The following VIL1 variants were observed in gnomAD, a reference collection of about 807,000 sequenced individuals.
VIL1 encodes the protein villin 1.
A neutral mutation model predicts 104.0 loss-of-function variants in VIL1; 86 were observed. That is an observed-to-expected ratio of 0.83 (90% CI 0.69 to 0.99). The LOEUF is 0.99. Among genes scored for constraint, VIL1 ranks in the 50% least tolerant of loss-of-function variants. VIL1 has a pLI of 0.00. For missense variants in VIL1, 944 were observed against 1,054.1 expected, an observed-to-expected ratio of 0.90 and a Z score of 1.45; for synonymous variants, 394 against 412.6, an observed-to-expected ratio of 0.95 and a Z score of 0.55.
intron 10 of VIL1, 32 bp from the exon 11 acceptor site, chr2:218,431,825 G>A: frequency 1.3e-6 from 2 of 1,588,456 alleles, no homozygotes; most frequent in Non-Finnish European, 1.7e-6. Context: ...CTCAGCTGGT[G>A]ACAGTTGGTT....
Position 218,425,599 on chromosome 2 carries a change from G to T in VIL1, c.151-16G>T. ...GGAGCCCAGGGTCTCGGGTACACTG[G>T]ACACCTTTTCCCTAGATCCACAAGA... is the stretch of plus-strand genomic sequence containing the variant. On this transcript the variant is annotated splice_polypyrimidine_tract_variant and intron_variant, in intron 3 of 19. Transcript: ENST00000248444. 6.2e-7 allele frequency: 1 copy of T among 1,613,586 alleles called. No individual in the cohort carries two copies. The highest frequency in any genetic ancestry group is 1.1e-5 in the South Asian group (1 of 90,996).
chr2:218,429,724 C>T (rs1248718776), intron 8 of VIL1, 49 bp downstream of exon 8: 2 of 1,610,456 alleles, frequency 1.2e-6, no homozygotes, highest in Admixed American at 3.3e-5. Flanking sequence ...GGCCCCCTTT[C>T]CCTCAAGCAG....
rs780936988 is a variant in VIL1, at chr2:218,429,437, G to C, written c.720G>C (p.Val240=). The change falls in exon 7 of 20, where the codon GTG becomes GTC. Residue 240 remains valine (V), a synonymous_variant. Coordinates refer to ENST00000248444, the MANE Select transcript of VIL1 (RefSeq NM_007127.3). ...LGKRRELKAA[V]PDTVVEPALK... ...AGCGCAGGGAGCTGAAGGCGGCCGTGCCCGACACGGTGGTGGAGCCGGCAC... is the reference window on the plus strand; with the variant it reads ...AGCGCAGGGAGCTGAAGGCGGCCGTCCCCGACACGGTGGTGGAGCCGGCAC... 1 of 1,614,022 alleles carries C rather than the reference G, an allele frequency of 6.2e-7. No individual in the cohort carries two copies. The highest frequency in any genetic ancestry group is 1.1e-5 in the South Asian group (1 of 91,086).
chr2:218,424,231 T>G (rs1227745938), intron 2 of VIL1, 46 bp from the exon 3 acceptor site: 7 of 1,564,654 alleles, frequency 4.5e-6, no homozygotes, highest in Non-Finnish European at 6.2e-6. Flanking sequence ...GGCCTAGGGG[T>G]CCTGGTGGTC....
Position 218,451,621 on chromosome 2 carries a change from C to A in VIL1, c.*2285C>A, listed in dbSNP as rs1482220864. ...ATAGTTACATAATGGTAACTACACA[C>A]GATACAGAAGAATCAGTAAATTCAT... is the stretch of plus-strand genomic sequence containing the variant. On this transcript the variant is annotated 3_prime_UTR_variant, in exon 20 of 20. Coordinates refer to ENST00000248444, the MANE Select transcript of VIL1 (RefSeq NM_007127.3). 1 of 151,766 alleles carries A rather than the reference C, an allele frequency of 6.6e-6. No individual in the cohort carries two copies. 9.4% of individuals were successfully genotyped at this position (151,766 alleles called of 1,614,324 possible).
Position 218,440,810 on chromosome 2 carries a change from T to TGAACAAG in VIL1, c.2319_2325dup (p.Pro776GlufsTer23). 1 of 1,614,098 alleles carries TGAACAAG rather than the reference T, an allele frequency of 6.2e-7. No homozygotes were observed. The highest frequency in any genetic ancestry group is 1.1e-5 in the South Asian group (1 of 91,076). On this transcript the variant is annotated frameshift_variant, in exon 19 of 20. Transcript: ENST00000248444. LOFTEE classifies it high-confidence loss of function. ...CCCATCTTCCCCCTGGAGCAGCTAG[T>TGAACAAG]GAACAAGCCTGTAGAGGAGCTCCCC...
In VIL1 at chr2:218,425,775, G is replaced by A. The variant is rs1230498805; in HGVS notation, c.311G>A (p.Ser104Asn). 1 of 1,613,310 alleles carries A rather than the reference G, an allele frequency of 6.2e-7. No individual in the cohort carries two copies. The highest frequency in any genetic ancestry group is 8.5e-7 in the Non-Finnish European group (1 of 1,179,628). The stretch of plus-strand genomic sequence containing the variant: ...CACCGCGAGGTCCAGGGCAACGAGA[G>A]CGAGGCCTTCCGAGGCTACTTCAAG... ...VQHREVQGNESEAFRGYFKQG... is the reference protein window; with the variant it reads ...VQHREVQGNENEAFRGYFKQG... Residue 104 changes from serine to asparagine, a missense_variant, in exon 4 of 20, where the codon AGC becomes AAC. By Grantham distance (46) the Ser-to-Asn change is conservative. Transcript: ENST00000248444.
intron 18 of VIL1, among the ~76,000 whole-genome samples, chr2:218,439,694 G>C (rs1344167679): frequency 6.6e-6 from 1 of 151,872 alleles, no homozygotes; most frequent in East Asian, 1.9e-4. Flanking sequence ...GTGCGTGCTT[G>C]TGGTCCCAGC....
chr2:218,444,556 G>T (rs1689335474), intron 19 of VIL1, among the ~76,000 whole-genome samples: 1 of 152,242 alleles, frequency 6.6e-6, no homozygotes, highest in African/African-American at 2.4e-5. Flanking sequence ...GGGATTACAG[G>T]CGTGAGCCAC....
intron 19 of VIL1, among the ~76,000 whole-genome samples, chr2:218,447,508 T>C (rs1166711997): frequency 6.6e-6 from 1 of 151,610 alleles, no homozygotes; most frequent in Non-Finnish European, 1.5e-5. Flanking sequence ...TTGGTAGAGA[T>C]GGGGTTTCAC....
chr2:218,435,287 A>G lies in VIL1; in HGVS notation c.1681-2A>G. ...AAATTAGCCAACTCTTTTTTTTCCTAGGGTTGTAGCGGGGACGAGCGGGAG... is the reference window on the plus strand; with the variant it reads ...AAATTAGCCAACTCTTTTTTTTCCTGGGGTTGTAGCGGGGACGAGCGGGAG... On this transcript the variant is annotated splice_acceptor_variant, in intron 14 of 19. Coordinates refer to ENST00000248444, the MANE Select transcript of VIL1 (RefSeq NM_007127.3). LOFTEE classifies it high-confidence loss of function. The G allele has an allele frequency of 6.2e-7, 1 of 1,609,072 alleles. No individual in the cohort carries two copies. The highest frequency in any genetic ancestry group is 1.1e-5 in the South Asian group (1 of 90,572).
At chr2:218,443,487 G>A (rs1212136898) in intron 19 of VIL1, among the ~76,000 whole-genome samples, 2 of 151,910 alleles carry the variant, frequency 1.3e-5, no homozygotes, top group Non-Finnish European at 2.9e-5. Flanking sequence ...GAGCCACCAC[G>A]CCCGGCCAAT....
intron 18 of VIL1, 132 bp downstream of exon 18, chr2:218,438,858 T>G: frequency 1.4e-6 from 1 of 718,492 alleles, no homozygotes; most frequent in Non-Finnish European, 2.3e-6. Flanking sequence ...CTTCTCATTC[T>G]TCTTGCTGTT....
chr2:218,436,335 A>G (rs1213042094), intron 15 of VIL1, 147 bp from the exon 16 acceptor site: 6 of 1,075,846 alleles, frequency 5.6e-6, no homozygotes, highest in Non-Finnish European at 6.7e-6. Context: ...TTGGAATGAG[A>G]GGGGACCCTT....
At chr2:218,438,784 G>T (rs1402074993) in intron 18 of VIL1, 58 bp downstream of exon 18, 3 of 1,489,556 alleles carry the variant, frequency 2.0e-6, no homozygotes, top group Non-Finnish European at 2.8e-6. Context: ...TCAGACCTGT[G>T]GGAGCCAAGA....
intron 1 of VIL1, among the ~76,000 whole-genome samples, chr2:218,420,665 A>G (rs1688887601): frequency 1.3e-5 from 2 of 148,812 alleles, no homozygotes; most frequent in Admixed American, 6.8e-5. Context: ...AGCTCACTGC[A>G]GGCTCCACCC....
At chr2:218,442,912 T>C (rs1559150593) in intron 19 of VIL1, among the ~76,000 whole-genome samples, 1 of 152,236 alleles carries the variant, frequency 6.6e-6, no homozygotes, top group Non-Finnish European at 1.5e-5. Flanking sequence ...TGTTCTCTCC[T>C]GGATTCTCCC....
chr2:218,446,550 A>G (rs1488780284), intron 19 of VIL1, among the ~76,000 whole-genome samples: 2 of 151,776 alleles, frequency 1.3e-5, no homozygotes, highest in African/African-American at 4.8e-5. Context: ...GTTGCCTTTT[A>G]ACTGGGAACC....
intron 3 of VIL1, 97 bp downstream of exon 3, chr2:218,424,448 G>C: frequency 7.5e-7 from 1 of 1,327,982 alleles, no homozygotes; most frequent in Non-Finnish European, 1.1e-6. Flanking sequence ...AGTTGGCCTG[G>C]CTTCACCCCA....
Sources: gnomAD v4.1 joint callset for allele counts (sites outside exome capture counted in the v4.1 genomes callset) on GRCh38, gnomAD v4.1.1 for gene constraint, MANE v1.5 for transcripts, NCBI Gene and HGNC (gene_info 2026-07-23, HGNC 2026-07-21) for gene names.